DAG1: variants seen among roughly 807,000 people sequenced by gnomAD.
The protein encoded by DAG1 is dystroglycan 1 (dystrophin-associated glycoprotein 1).
DAG1 carries 8 observed loss-of-function variants against 46.1 expected under a neutral mutation model. The observed-to-expected ratio is 0.17, with a 90% CI of 0.10 to 0.31. The LOEUF (loss-of-function observed/expected upper bound fraction) is 0.31, where lower values mean the gene tolerates loss of function less well. DAG1 is among the 10% of genes least tolerant of loss of function. DAG1 has a pLI of 1.00. For missense variants in DAG1, 1,003 were observed against 1,189.9 expected (o/e 0.84, Z 2.31); for synonymous variants, 495 against 481.8 (o/e 1.03, Z -0.36).
intron 1 of DAG1, among the ~76,000 whole-genome samples, chr3:49,477,933 G>A (rs1049724935): frequency 6.7e-6 from 1 of 150,280 alleles, no homozygotes; most frequent in African/African-American, 2.5e-5. Flanking sequence ...TCACACTCCA[G>A]CCTGGGCAAC....
At chr3:49,519,274 C>A (rs1445274792) in intron 2 of DAG1, among the ~76,000 whole-genome samples, 5 of 152,180 alleles carry the variant, frequency 3.3e-5, no homozygotes, top group Non-Finnish European at 5.9e-5. Context: ...CCCAGGCTGC[C>A]CCTCAGATGT....
At chr3:49,495,900 G>A (rs562690569) in intron 1 of DAG1, among the ~76,000 whole-genome samples, 4 of 151,654 alleles carry the variant, frequency 2.6e-5, no homozygotes, top group Non-Finnish European at 5.9e-5. Context: ...CAGCCTGGGC[G>A]ACAGAGCGAG....
intron 2 of DAG1, among the ~76,000 whole-genome samples, chr3:49,525,644 G>A (rs1182835729): frequency 8.6e-5 from 13 of 150,628 alleles, no homozygotes; most frequent in Admixed American, 8.0e-4. Context: ...TGCAGGCTCC[G>A]CCCCCCGGGT....
rs547937347 is a variant in DAG1, at chr3:49,528,457, G to A, written c.286-2340G>A. 6.2e-3 allele frequency among the ~76,000 whole-genome samples: 944 copies of A among 151,262 alleles called. 4 individuals are homozygous for A. The highest frequency in any genetic ancestry group is 0.011 in the Non-Finnish European group (720 of 67,816). ...GCACCACCATGCCTGGCTAATTTTT[G>A]TGTTTTTAGTAGAGACGGGATTTTG... On this transcript the variant is annotated intron_variant, in intron 2 of 2. Transcript: ENST00000308775.
chr3:49,523,476 T>C (rs1320537940), intron 2 of DAG1, among the ~76,000 whole-genome samples: 2 of 152,222 alleles, frequency 1.3e-5, no homozygotes, highest in Non-Finnish European at 2.9e-5. Context: ...TGTTTTCATC[T>C]ACTTCTGGTA....
rs1343172023 is a variant in DAG1, at chr3:49,480,743, CA to C, written c.-117+10311del. On this transcript the variant is annotated intron_variant, in intron 1 of 2. Transcript: ENST00000308775. ...TTGTAATAGATAATGTTGCAATTAA[CA>C]TCTCTGCATAAAGTTTTTTTTTTTT... Among the ~76,000 whole-genome samples, 151 of 139,412 alleles carry C rather than the reference CA, an allele frequency of 1.1e-3. 17 individuals are homozygous for C. The highest frequency in any genetic ancestry group is 2.2e-3 in the Admixed American group (30 of 13,826). The allele number at this position is 139,412 out of a possible 152,430, so 91.5% of individuals were successfully genotyped here.
At chr3:49,510,079 C>T (rs939495590) in intron 1 of DAG1, 25 of 248,458 alleles carry the variant, frequency 1.0e-4, no homozygotes, top group Non-Finnish European at 1.8e-4. Flanking sequence ...TTATTGTTTA[C>T]TTAATATATT....
In DAG1 at chr3:49,515,271, A is replaced by ATT. The variant is rs36072165; in HGVS notation, c.285+4467_285+4468dup. 9.4e-3 allele frequency among the ~76,000 whole-genome samples: 1,220 copies of ATT among 129,176 alleles called. 9 individuals are homozygous for ATT. Among genetic ancestry groups the ATT allele is most frequent in the Non-Finnish European group, 0.015 (908 of 60,352 alleles). 84.7% of individuals were successfully genotyped at this position (129,176 alleles called of 152,430 possible). A position where few individuals can be genotyped will look rare whatever the true frequency, so the allele number is the denominator to read the frequency against. ...AGGAATGAGCCACTGTCCCGGGCCT[A>ATT]TTTTTTTTTTTTTTTTAACATTTTT... On this transcript the variant is annotated intron_variant, in intron 2 of 2. Coordinates refer to ENST00000308775, the MANE Select transcript of DAG1 (RefSeq NM_004393.6).
At chr3:49,521,320 C>G (rs998041389) in intron 2 of DAG1, among the ~76,000 whole-genome samples, 4 of 152,078 alleles carry the variant, frequency 2.6e-5, no homozygotes, top group Non-Finnish European at 5.9e-5. Flanking sequence ...CCCGCCACCA[C>G]ACCTGGCTTA....
chr3:49,498,738 G>A (rs1429627136), intron 1 of DAG1, among the ~76,000 whole-genome samples: 1 of 149,268 alleles, frequency 6.7e-6, no homozygotes, highest in Non-Finnish European at 1.5e-5. Context: ...TTTTGAGATA[G>A]GTTCTTGCTG....
At chr3:49,496,098 A>G (rs1444425532) in intron 1 of DAG1, among the ~76,000 whole-genome samples, 4 of 152,270 alleles carry the variant, frequency 2.6e-5, no homozygotes, top group Admixed American at 2.0e-4. Context: ...AAAGCCTCCT[A>G]AAGTATTTTC....
chr3:49,531,063 G>A lies in DAG1; in HGVS notation c.552G>A (p.Ala184=), dbSNP rs749602970. The part of the protein sequence containing the change: ...PGEVVSSACA[A]DEPVTVLTVI... The stretch of plus-strand genomic sequence containing the variant: ...AGGTGGTATCATCTGCCTGTGCTGC[G>A]GATGAACCTGTGACTGTTTTGACGG... Residue 184 remains alanine, a synonymous_variant, in exon 3 of 3, where the codon GCG becomes GCA. Transcript: ENST00000308775. The surrounding 1 kb of genome is among the most constrained non-coding windows in gnomAD (Gnocchi z 7.0). The A allele has an allele frequency of 2.0e-5, 32 of 1,614,038 alleles. No homozygotes were observed. The highest frequency in any genetic ancestry group is 9.9e-5 in the South Asian group (9 of 91,086).
At chr3:49,491,706 G>A (rs1220675598) in intron 1 of DAG1, among the ~76,000 whole-genome samples, 1 of 152,144 alleles carries the variant, frequency 6.6e-6, no homozygotes, top group African/African-American at 2.4e-5. Context: ...TCGATCTCCT[G>A]ACCTCGTGAT....
chr3:49,501,538 A>G (rs909361985), intron 1 of DAG1, among the ~76,000 whole-genome samples: 2 of 152,166 alleles, frequency 1.3e-5, no homozygotes, highest in Non-Finnish European at 2.9e-5. Context: ...GCGTCTGGGC[A>G]TGGTGGCTCA....
intron 1 of DAG1, among the ~76,000 whole-genome samples, chr3:49,500,406 C>G (rs35261698): frequency 0.3 from 45,111 of 152,072 alleles, 7,177 homozygotes; most frequent in Middle Eastern, 0.31. Flanking sequence ...GAGCCACTTA[C>G]TGGCCCTACC....
chr3:49,498,159 C>T (rs915793778), intron 1 of DAG1, among the ~76,000 whole-genome samples: 1 of 152,136 alleles, frequency 6.6e-6, no homozygotes, highest in Non-Finnish European at 1.5e-5. Flanking sequence ...TTTGGTTGGT[C>T]CTCCAGCTCC....
At chr3:49,480,540 G>A (rs1409146122) in intron 1 of DAG1, among the ~76,000 whole-genome samples, 1 of 149,734 alleles carries the variant, frequency 6.7e-6, no homozygotes, top group South Asian at 2.1e-4. Context: ...TGATCCGCCC[G>A]CCTTGGCCTC....
chr3:49,513,969 A>G (rs1327372907), intron 2 of DAG1, among the ~76,000 whole-genome samples: 1 of 152,182 alleles, frequency 6.6e-6, no homozygotes, highest in Non-Finnish European at 1.5e-5. Flanking sequence ...TTGAACTGAT[A>G]CAGCAAACTA....
intron 2 of DAG1, among the ~76,000 whole-genome samples, chr3:49,512,471 A>C (rs1413024985): frequency 6.6e-6 from 1 of 151,568 alleles, no homozygotes; most frequent in East Asian, 1.9e-4. Flanking sequence ...AGCTCACTGC[A>C]ACCTCCATCT....
Sources: gnomAD v4.1 joint callset for allele counts (sites outside exome capture counted in the v4.1 genomes callset) on GRCh38, gnomAD v4.1.1 for gene constraint, Gnocchi (gnomAD v3.1) non-coding constraint, MANE v1.5 for transcripts, NCBI Gene and HGNC (gene_info 2026-07-23, HGNC 2026-07-21) for gene names.